PSPC1: variants seen among roughly 807,000 people sequenced by gnomAD.
PSPC1 encodes the protein paraspeckle protein 1.
In PSPC1, 14 loss-of-function variants were observed where a neutral mutation model predicts 51.6. The observed-to-expected ratio is 0.27, with a 90% CI of 0.18 to 0.42. PSPC1 has a LOEUF of 0.42. PSPC1 is among the 10% of genes least tolerant of loss of function. PSPC1 has a pLI of 1.00. For synonymous variants in PSPC1, 193 were observed against 231.9 expected, an observed-to-expected ratio of 0.83 and a Z score of 1.53; for missense variants, 406 against 701.1, an observed-to-expected ratio of 0.58 and a Z score of 4.75.
At chr13:19,734,909 T>A (rs1884584349) in intron 5 of PSPC1, among the ~76,000 whole-genome samples, 1 of 136,592 alleles carries the variant, frequency 7.3e-6, no homozygotes. Flanking sequence ...ACCTGGGAAG[T>A]GGAGGTTGCC....
rs532060658 is a variant in PSPC1, at chr13:19,722,148, A to G, written c.1158+8091T>C. ...TCAGAGAACACAATTAGTAGACAAC[A>G]AAGTCAGAAAAAAATTAGAATACAA... On this transcript the variant is annotated intron_variant, in intron 6 of 8. Coordinates refer to ENST00000338910, the MANE Select transcript of PSPC1 (RefSeq NM_001354909.2). 2.0e-4 allele frequency among the ~76,000 whole-genome samples: 30 copies of G among 152,330 alleles called. 1 individual carries two copies. The highest frequency in any genetic ancestry group is 7.0e-4 in the African/African-American group (29 of 41,574).
chr13:19,703,028 T>C lies in PSPC1; in HGVS notation c.*147A>G. On this transcript the variant is annotated 3_prime_UTR_variant, in exon 9 of 9. Transcript: ENST00000338910. ...TACAAAGCTCATGAATAAAGAAAAA[T>C]ACAAAAACCTCAAGTTTTACAAAAA... The C allele has an allele frequency of 3.8e-6, 2 of 520,406 alleles. No homozygotes were observed. Among genetic ancestry groups the C allele is most frequent in the Non-Finnish European group, 6.9e-6 (2 of 291,730 alleles). 32.2% of individuals were successfully genotyped at this position (520,406 alleles called of 1,614,324 possible). A position where few individuals can be genotyped will look rare whatever the true frequency, so the allele number is the denominator to read the frequency against.
At chr13:19,674,255 C>A (rs984483750), downstream of PSPC1, among the ~76,000 whole-genome samples, 4 of 149,972 alleles carry the variant, frequency 2.7e-5, no homozygotes, top group Non-Finnish European at 6.0e-5. Flanking sequence ...TTTGTCTGTT[C>A]TGCCAAAATA....
intron 6 of PSPC1, among the ~76,000 whole-genome samples, chr13:19,719,851 G>A (rs556337850): frequency 2.6e-5 from 4 of 152,132 alleles, no homozygotes; most frequent in African/African-American, 9.6e-5. Flanking sequence ...GCTTCTATTT[G>A]GCTGAGATTT....
chr13:19,684,382 C>T (rs1459180282), intron 6 of PSPC1, among the ~76,000 whole-genome samples: 1 of 152,104 alleles, frequency 6.6e-6, no homozygotes, highest in Non-Finnish European at 1.5e-5. Context: ...CCACTATTTT[C>T]TTTAAAAGTT....
At chr13:19,747,957 T>C (rs1165003236) in intron 4 of PSPC1, among the ~76,000 whole-genome samples, 1 of 152,230 alleles carries the variant, frequency 6.6e-6, no homozygotes, top group East Asian at 1.9e-4. Context: ...CTTATGCCTG[T>C]AATCCCAGCA....
intron 2 of PSPC1, among the ~76,000 whole-genome samples, chr13:19,772,038 A>G (rs933413345): frequency 5.9e-5 from 9 of 152,218 alleles, no homozygotes; most frequent in Non-Finnish European, 1.3e-4. Context: ...AACACTGCAG[A>G]GATTTAAACT....
chr13:19,762,012 C>G (rs908529683), intron 2 of PSPC1, among the ~76,000 whole-genome samples: 1 of 152,056 alleles, frequency 6.6e-6, no homozygotes, highest in Non-Finnish European at 1.5e-5. Context: ...CAAGGGAAAC[C>G]GTAATCAGAA....
intron 4 of PSPC1, among the ~76,000 whole-genome samples, chr13:19,746,330 AG>A (rs138545507): frequency 0.015 from 2,228 of 151,976 alleles, 55 homozygotes; most frequent in African/African-American, 0.051. Flanking sequence ...TGAAACACAG[AG>A]GCAGAGGTTG....
intron 6 of PSPC1, among the ~76,000 whole-genome samples, chr13:19,686,656 T>A (rs910104402): frequency 2.1e-4 from 32 of 152,170 alleles, no homozygotes; most frequent in Non-Finnish European, 3.7e-4. Flanking sequence ...CACATTATTG[T>A]TCATAAAATT....
intron 1 of PSPC1, among the ~76,000 whole-genome samples, chr13:19,774,287 G>A (rs1199645837): frequency 6.6e-6 from 1 of 152,128 alleles, no homozygotes; most frequent in African/African-American, 2.4e-5. Context: ...GGCTTTATAT[G>A]TATATGTAAG....
At chr13:19,704,033 T>C (rs949595346) in intron 8 of PSPC1, among the ~76,000 whole-genome samples, 4 of 152,248 alleles carry the variant, frequency 2.6e-5, no homozygotes, top group East Asian at 1.9e-4. Context: ...AAAGGTTGGA[T>C]AGAACTCCCT....
At chr13:19,719,917 A>G (rs1026151346) in intron 6 of PSPC1, among the ~76,000 whole-genome samples, 1 of 152,130 alleles carries the variant, frequency 6.6e-6, no homozygotes, top group African/African-American at 2.4e-5. Context: ...CCTGAGCTCA[A>G]TTGATCCTCC....
chr13:19,766,054 A>G (rs910876042), intron 2 of PSPC1, among the ~76,000 whole-genome samples: 12 of 152,190 alleles, frequency 7.9e-5, no homozygotes, highest in South Asian at 2.1e-4. Context: ...CTGCACAGGA[A>G]AAGTGTGCAG....
At chr13:19,699,759 A>G (rs1446043409), downstream of PSPC1, among the ~76,000 whole-genome samples, 1 of 152,064 alleles carries the variant, frequency 6.6e-6, no homozygotes, top group Non-Finnish European at 1.5e-5. Flanking sequence ...CTATGAACAC[A>G]GGAAAACATG....
intron 6 of PSPC1, among the ~76,000 whole-genome samples, chr13:19,713,599 G>T (rs1253454520): frequency 7.2e-6 from 1 of 138,134 alleles, no homozygotes. Context: ...CAAAAGGCAA[G>T]ATTTTAACTT....
chr13:19,717,536 C>G (rs1277197495), intron 6 of PSPC1, among the ~76,000 whole-genome samples: 4 of 151,518 alleles, frequency 2.6e-5, no homozygotes, highest in African/African-American at 9.7e-5. Flanking sequence ...TGAAACCCAT[C>G]TCTATTAAAA....
rs538610836 is a variant in PSPC1 at position 19,738,920 on chromosome 13, A to G, written c.1052+2645T>C. 1.9e-3 allele frequency among the ~76,000 whole-genome samples: 281 copies of G among 151,780 alleles called. 1 individual carries two copies. Among genetic ancestry groups the G allele is most frequent in the African/African-American group, 6.0e-3 (249 of 41,428 alleles). On this transcript the variant is annotated intron_variant, in intron 5 of 8. Transcript: ENST00000338910. ...GACTCCATCTCAAAAAAAAAAAAAA[A>G]AGAGAATGACAAGTTTAAAAAGTCT...
chr13:19,713,466 G>A (rs916641857), intron 6 of PSPC1, among the ~76,000 whole-genome samples: 1 of 143,870 alleles, frequency 7.0e-6, no homozygotes, highest in Admixed American at 7.4e-5. Flanking sequence ...CTACTGAAAT[G>A]GAGTTCACAA....
Sources: allele counts gnomAD v4.1 joint callset (sites outside exome capture counted in the v4.1 genomes callset), GRCh38; gene constraint gnomAD v4.1.1; transcripts MANE v1.5; gene names NCBI Gene and HGNC (gene_info 2026-07-23, HGNC 2026-07-21).